Variants in SHANK2 observed in about 807,000 individuals in gnomAD.
SHANK2 encodes SH3 and multiple ankyrin repeat domains protein 2.
SHANK2 carries 43 observed loss-of-function variants against 133.7 expected under a neutral mutation model. That is an observed-to-expected ratio of 0.32 (90% confidence interval 0.25 to 0.41). The LOEUF (loss-of-function observed/expected upper bound fraction) is 0.41. SHANK2 is among the 10% of genes least tolerant of loss of function. The pLI, the probability that SHANK2 is intolerant of heterozygous loss-of-function variation, is 1.00. For missense variants in SHANK2, 1,994 were observed against 2,235.8 expected, an observed-to-expected ratio of 0.89 and a Z score of 2.18; for synonymous variants, 1,017 against 952.8, an observed-to-expected ratio of 1.07 and a Z score of -1.24.
At chr11:70,840,016 G>A (rs559616604) in intron 11 of SHANK2, among the ~76,000 whole-genome samples, 6 of 152,314 alleles carry the variant, frequency 3.9e-5, no homozygotes, top group South Asian at 2.1e-4. Flanking sequence ...AGGTGGGCTC[G>A]GCCGGCCAGC....
At chr11:70,893,520 T>C (rs1949884103) in intron 11 of SHANK2, among the ~76,000 whole-genome samples, 1 of 152,242 alleles carries the variant, frequency 6.6e-6, no homozygotes, top group South Asian at 2.1e-4. Context: ...CCTAGAGGAC[T>C]CAGCCTCCAC....
At chr11:71,090,759 T>C (rs1555093817) in intron 8 of SHANK2, among the ~76,000 whole-genome samples, 1 of 152,164 alleles carries the variant, frequency 6.6e-6, no homozygotes, top group African/African-American at 2.4e-5. Context: ...GATAGAAATA[T>C]TTTAAAGAGT....
intron 11 of SHANK2, among the ~76,000 whole-genome samples, chr11:70,856,257 G>A (rs926998353): frequency 6.6e-6 from 1 of 152,172 alleles, no homozygotes; most frequent in Non-Finnish European, 1.5e-5. Context: ...TGGATGGGTG[G>A]ATGGGTGAGT....
At chr11:70,544,861 C>A (rs151116210) in intron 17 of SHANK2, among the ~76,000 whole-genome samples, 1 of 152,236 alleles carries the variant, frequency 6.6e-6, no homozygotes, top group Non-Finnish European at 1.5e-5. Context: ...GTGTCCCCAC[C>A]CACAGGTCCT....
chr11:70,877,189 G>A (rs1465176633), intron 11 of SHANK2, among the ~76,000 whole-genome samples: 2 of 152,164 alleles, frequency 1.3e-5, no homozygotes, highest in Non-Finnish European at 2.9e-5. Flanking sequence ...TTTTTGGAAC[G>A]CATCAACATG....
intron 10 of SHANK2, chr11:70,943,882 TATTTGTAA>T (rs1565420086): frequency 2.2e-6 from 1 of 455,864 alleles, no homozygotes; most frequent in East Asian, 7.0e-5. Context: ...GCTTGCTGCC[TATTTGTAA>T]ATAGCAAACA....
intron 8 of SHANK2, 81 bp downstream of exon 8, chr11:71,092,341 C>A (rs1412432684): frequency 1.6e-5 from 24 of 1,478,154 alleles, no homozygotes; most frequent in South Asian, 4.9e-5. Context: ...ACCTTTGGGC[C>A]ACCCTGCTTA....
At chr11:70,906,153 G>A (rs1459748332) in intron 10 of SHANK2, among the ~76,000 whole-genome samples, 3 of 152,176 alleles carry the variant, frequency 2.0e-5, no homozygotes, top group Admixed American at 6.5e-5. Flanking sequence ...CAAAGACAGC[G>A]CCCAGCCTGT....
At chr11:71,063,323 A>T (rs1951010416) in intron 9 of SHANK2, among the ~76,000 whole-genome samples, 2 of 152,230 alleles carry the variant, frequency 1.3e-5, no homozygotes. Context: ...GACGTCAAAA[A>T]GAGCTCAGGT....
intron 10 of SHANK2, among the ~76,000 whole-genome samples, chr11:70,909,430 G>A (rs1441972801): frequency 6.6e-6 from 1 of 152,134 alleles, no homozygotes; most frequent in Non-Finnish European, 1.5e-5. Context: ...GATGAGGAGA[G>A]TGATCAAGCT....
intron 10 of SHANK2, chr11:70,933,306 CT>C: frequency 2.2e-6 from 1 of 454,768 alleles, no homozygotes; most frequent in South Asian, 1.6e-5. Context: ...AATGAGCTCC[CT>C]AAAGTTCTGA....
At chr11:70,595,614 G>A (rs1216256922) in intron 17 of SHANK2, among the ~76,000 whole-genome samples, 3 of 152,186 alleles carry the variant, frequency 2.0e-5, no homozygotes, top group African/African-American at 7.2e-5. Context: ...GGGCTTCCAC[G>A]GCTCAGGTTC....
At chr11:70,642,048 C>A (rs1457982906) in intron 17 of SHANK2, among the ~76,000 whole-genome samples, 6 of 152,302 alleles carry the variant, frequency 3.9e-5, no homozygotes, top group African/African-American at 1.4e-4. Flanking sequence ...GACTGGGTAC[C>A]AGGATGGGTA....
chr11:70,756,543 C>T (rs928422470), intron 14 of SHANK2, among the ~76,000 whole-genome samples: 1 of 152,150 alleles, frequency 6.6e-6, no homozygotes, highest in Admixed American at 6.5e-5. Flanking sequence ...GCTGTGTGGG[C>T]AGGGGCTGTG....
chr11:70,657,409 A>C (rs1211743086), intron 17 of SHANK2, among the ~76,000 whole-genome samples: 2 of 152,244 alleles, frequency 1.3e-5, no homozygotes, highest in Non-Finnish European at 2.9e-5. Flanking sequence ...CTATTATGCT[A>C]TACAAGATTT....
intron 13 of SHANK2, among the ~76,000 whole-genome samples, chr11:70,800,938 C>T (rs1270422434): frequency 1.3e-5 from 2 of 152,200 alleles, no homozygotes; most frequent in Non-Finnish European, 2.9e-5. Context: ...GAGAAGGGAA[C>T]TGCATAGGTA....
intron 17 of SHANK2, among the ~76,000 whole-genome samples, chr11:70,527,971 C>G (rs1230195288): frequency 6.6e-6 from 1 of 152,204 alleles, no homozygotes; most frequent in Non-Finnish European, 1.5e-5. Context: ...GAGGGAGGGG[C>G]CTGAGTGCAT....
At chr11:71,107,487 A>C (rs1454467916) in intron 6 of SHANK2, among the ~76,000 whole-genome samples, 1 of 152,172 alleles carries the variant, frequency 6.6e-6, no homozygotes, top group Non-Finnish European at 1.5e-5. Context: ...CATCGTGGGA[A>C]TATTTCAGAA....
At chr11:70,860,340 G>A (rs545154800) in intron 11 of SHANK2, among the ~76,000 whole-genome samples, 8 of 152,088 alleles carry the variant, frequency 5.3e-5, no homozygotes, top group African/African-American at 4.8e-5. Context: ...TGTTATCCTC[G>A]TGCACACCTG....
Sources: allele counts gnomAD v4.1 joint callset (sites outside exome capture counted in the v4.1 genomes callset), GRCh38; gene constraint gnomAD v4.1.1; transcripts MANE v1.5; gene names NCBI Gene and HGNC (gene_info 2026-07-23, HGNC 2026-07-21).